EPC2: variants seen among roughly 807,000 people sequenced by gnomAD.
EPC2 encodes the protein enhancer of polycomb 2.
A neutral mutation model predicts 92.1 loss-of-function variants in EPC2; 14 were observed. The ratio of observed to expected loss-of-function variants is 0.15; its 90% confidence interval spans 0.10 to 0.24. The LOEUF (loss-of-function observed/expected upper bound fraction) is 0.24, where lower values mean the gene tolerates loss of function less well. Among genes scored for constraint, EPC2 ranks in the 10% least tolerant of loss-of-function variants. The pLI is 1.00. For synonymous variants in EPC2, 340 were observed against 334.7 expected, an observed-to-expected ratio of 1.02 and a Z score of -0.17; for missense variants, 755 against 971.5, an observed-to-expected ratio of 0.78 and a Z score of 2.96.
In EPC2 at chr2:148,691,980, T is replaced by G. The variant is rs138852398; in HGVS notation, c.313+1607T>G. 5.5e-5 allele frequency: 20 copies of G among 361,988 alleles called. No individual in the cohort carries two copies. The East Asian group carries it at 1.4e-3, about 26-fold the overall frequency. 22.4% of individuals were successfully genotyped at this position (361,988 alleles called of 1,614,324 possible). A position where few individuals can be genotyped will look rare whatever the true frequency, so the allele number is the denominator to read the frequency against. On this transcript the variant is annotated intron_variant, in intron 2 of 13. Coordinates refer to ENST00000258484, the MANE Select transcript of EPC2 (RefSeq NM_015630.4). The stretch of plus-strand genomic sequence containing the variant: ...GTTGTGTCTTTTAATTGATGGCAGT[T>G]TAGATTTGATAGAATTCAATAATAG...
chr2:148,723,947 T>C (rs1682434665), intron 2 of EPC2, among the ~76,000 whole-genome samples: 1 of 152,126 alleles, frequency 6.6e-6, no homozygotes, highest in East Asian at 1.9e-4. Context: ...ATTTTTAGTG[T>C]TTTAAAAATG....
At chr2:148,651,485 G>A (rs1463200867) in intron 1 of EPC2, among the ~76,000 whole-genome samples, 2 of 152,282 alleles carry the variant, frequency 1.3e-5, no homozygotes, top group East Asian at 1.9e-4. Flanking sequence ...AGTAAAAATA[G>A]GGGTGGAGAT....
At chr2:148,690,123 T>C (rs893837801) in intron 1 of EPC2, 91 bp from the exon 2 acceptor site, 2 of 1,239,156 alleles carry the variant, frequency 1.6e-6, no homozygotes, top group Non-Finnish European at 2.2e-6. Flanking sequence ...TAAAGCACTT[T>C]GTGATTATTA....
At chr2:148,691,515 T>C (rs1200977131) in intron 2 of EPC2, 1 of 1,549,804 alleles carries the variant, frequency 6.5e-7, no homozygotes, top group East Asian at 2.4e-5. Context: ...TCATTGATTC[T>C]GAGATGCACT....
chr2:148,752,942 C>T (rs1298214805), intron 3 of EPC2, among the ~76,000 whole-genome samples: 2 of 151,912 alleles, frequency 1.3e-5, no homozygotes, highest in Non-Finnish European at 2.9e-5. Flanking sequence ...TGGGAAATAT[C>T]TCAGCTTCTG....
intron 1 of EPC2, among the ~76,000 whole-genome samples, chr2:148,664,205 A>G (rs1281121301): frequency 1.3e-5 from 2 of 152,170 alleles, no homozygotes; most frequent in African/African-American, 2.4e-5. Context: ...TATTGTTAAA[A>G]ATAATTTATT....
intron 2 of EPC2, 140 bp downstream of exon 2, chr2:148,690,513 A>G (rs1205793925): frequency 3.9e-6 from 3 of 773,536 alleles, no homozygotes; most frequent in East Asian, 5.7e-5. Flanking sequence ...AAAGAATAAA[A>G]TCCCTCTGTG....
intron 2 of EPC2, among the ~76,000 whole-genome samples, chr2:148,694,702 C>T (rs768780055): frequency 1.3e-5 from 2 of 152,126 alleles, no homozygotes; most frequent in Admixed American, 6.5e-5. Context: ...AATATGATAA[C>T]ATTTTACAGT....
chr2:148,779,214 G>T (rs997551350), intron 10 of EPC2, among the ~76,000 whole-genome samples: 1 of 152,204 alleles, frequency 6.6e-6, no homozygotes, highest in South Asian at 2.1e-4. Context: ...AAAAGAAGTG[G>T]AACACAGCTA....
intron 1 of EPC2, among the ~76,000 whole-genome samples, chr2:148,689,853 T>G (rs1681609131): frequency 6.6e-6 from 1 of 152,240 alleles, no homozygotes; most frequent in Non-Finnish European, 1.5e-5. Flanking sequence ...TGATACAAAT[T>G]TATTTCCTGT....
intron 3 of EPC2, among the ~76,000 whole-genome samples, chr2:148,749,041 C>T (rs1470601324): frequency 1.3e-5 from 2 of 152,154 alleles, no homozygotes; most frequent in Non-Finnish European, 2.9e-5. Context: ...CCATGCTGAA[C>T]TTCTTTCTGG....
rs1252197302 is a variant in EPC2 at position 148,726,746 on chromosome 2, TTTTTTTGTTTTG to T, written c.314-16864_314-16853del. On this transcript the variant is annotated intron_variant, in intron 2 of 13. Transcript: ENST00000258484. ...TCTTTAAATTTTTGCTTTTGGGTTT[TTTTTTTGTTTTG>T]TTTTTTGTTTTTTTTTTTTTTGCGT... 7.4e-4 allele frequency among the ~76,000 whole-genome samples: 111 copies of T among 149,118 alleles called. 1 individual carries two copies. Among genetic ancestry groups the T allele is most frequent in the Non-Finnish European group, 1.4e-3 (97 of 67,140 alleles).
intron 4 of EPC2, among the ~76,000 whole-genome samples, chr2:148,758,903 A>C (rs1683245890): frequency 6.6e-6 from 1 of 152,202 alleles, no homozygotes; most frequent in Non-Finnish European, 1.5e-5. Context: ...GAAAAACATT[A>C]ATGAAACCCA....
At chr2:148,650,802 T>C (rs1349227934) in intron 1 of EPC2, among the ~76,000 whole-genome samples, 1 of 152,200 alleles carries the variant, frequency 6.6e-6, no homozygotes, top group African/African-American at 2.4e-5. Flanking sequence ...GCATTTCTTC[T>C]TCTAACAAAA....
rs1277385982 is a variant in EPC2 at position 148,787,042 on chromosome 2, CTATT to C, written c.*669_*672del. The C allele has an allele frequency of 6.6e-6, 1 of 152,326 alleles. No homozygotes were observed. Among genetic ancestry groups the C allele is most frequent in the Non-Finnish European group, 1.5e-5 (1 of 68,008 alleles). 9.4% of individuals were successfully genotyped at this position (152,326 alleles called of 1,614,324 possible). A position where few individuals can be genotyped will look rare whatever the true frequency, so the allele number is the denominator to read the frequency against. ...TTCCATATATTTTGAATGTATATTTCTATTTATGATACCAATTTATAAAAAATAA... is the reference window on the plus strand; with the variant it reads ...TTCCATATATTTTGAATGTATATTTCTATGATACCAATTTATAAAAAATAA... On this transcript the variant is annotated 3_prime_UTR_variant, in exon 14 of 14. Coordinates refer to ENST00000258484, the MANE Select transcript of EPC2 (RefSeq NM_015630.4).
intron 10 of EPC2, among the ~76,000 whole-genome samples, chr2:148,776,856 C>CTCTTTTTTTTTTTTTTTTTTTT (rs1247135854): frequency 9.9e-6 from 1 of 101,042 alleles, no homozygotes; most frequent in East Asian, 3.4e-4. Context: ...GTCTCTCTCT[C>CTCTTTTTTTTTTTTTTTTTTTT]TTTTTTTTTT....
chr2:148,721,270 C>T (rs1289957478), intron 2 of EPC2, among the ~76,000 whole-genome samples: 4 of 151,210 alleles, frequency 2.6e-5, no homozygotes, highest in East Asian at 3.9e-4. Flanking sequence ...TTTATTTCTC[C>T]TTCACTTTTG....
At chr2:148,659,605 A>G (rs1174813329) in intron 1 of EPC2, among the ~76,000 whole-genome samples, 1 of 152,112 alleles carries the variant, frequency 6.6e-6, no homozygotes, top group East Asian at 1.9e-4. Context: ...AGATATTGTG[A>G]CTAGGCACTC....
intron 1 of EPC2, among the ~76,000 whole-genome samples, chr2:148,685,251 T>A (rs1206148954): frequency 2.8e-3 from 2 of 714 alleles, no homozygotes; most frequent in Non-Finnish European, 0.071. Context: ...TTTCGTTGAG[T>A]TTTTTTTTTC....
Sources: gnomAD v4.1 joint callset for allele counts (sites outside exome capture counted in the v4.1 genomes callset) on GRCh38, gnomAD v4.1.1 for gene constraint, MANE v1.5 for transcripts, NCBI Gene and HGNC (gene_info 2026-07-23, HGNC 2026-07-21) for gene names.